Variants in ZMIZ2 observed in about 807,000 individuals in gnomAD.
The protein encoded by ZMIZ2 is zinc finger MIZ domain-containing protein 2.
Under a neutral mutation model 93.9 loss-of-function variants are expected in ZMIZ2, and 26 were observed. That is an observed-to-expected ratio of 0.28 (90% CI 0.20 to 0.38). ZMIZ2 has a LOEUF of 0.38. ZMIZ2 is among the 10% of genes least tolerant of loss of function. ZMIZ2 has a pLI of 1.00. For synonymous variants in ZMIZ2, 485 were observed against 516.4 expected (o/e 0.94, Z 0.82); for missense variants, 1,023 against 1,235.0 (o/e 0.83, Z 2.57).
chr7:44,750,604 G>A (rs1407788634), intron 1 of ZMIZ2, among the ~76,000 whole-genome samples: 1 of 152,196 alleles, frequency 6.6e-6, no homozygotes, highest in Non-Finnish European at 1.5e-5. Context: ...AGGCAGAGAG[G>A]TGGCATGGAA....
chr7:44,757,950 A>C lies in ZMIZ2; in HGVS notation c.655A>C (p.Met219Leu), dbSNP rs756543847. The C allele has an allele frequency of 1.9e-6, 3 of 1,612,046 alleles. No individual in the cohort carries two copies. In the African/African-American group the frequency reaches 4.0e-5, roughly 22 times the overall value. ...GAACCCTACTGGCATAGGAGGGGTA[A>C]TGGGCCCCTCTGGCCTCTCCCCCTT... ...GMNPTGIGGV[M>L]GPSGLSPLAM... Residue 219 changes from methionine to leucine, a missense_variant, in exon 6 of 19, where the codon ATG becomes CTG. Coordinates refer to ENST00000309315, the MANE Select transcript of ZMIZ2 (RefSeq NM_031449.4).
intron 11 of ZMIZ2, among the ~76,000 whole-genome samples, 179 bp downstream of exon 11, chr7:44,762,084 C>T (rs1361776680): frequency 6.6e-6 from 1 of 152,240 alleles, no homozygotes; most frequent in Non-Finnish European, 1.5e-5. Flanking sequence ...ATGCCGCCGT[C>T]TGCTGTTTTG....
chr7:44,760,273 G>A (rs1791043026), intron 8 of ZMIZ2, 45 bp downstream of exon 8: 2 of 1,591,370 alleles, frequency 1.3e-6, no homozygotes, highest in Admixed American at 1.7e-5. Context: ...CTCACAGGGT[G>A]GGCATATGGA....
At chr7:44,755,347 T>C (rs1400542428) in intron 1 of ZMIZ2, among the ~76,000 whole-genome samples, 4 of 152,124 alleles carry the variant, frequency 2.6e-5, no homozygotes, top group Non-Finnish European at 5.9e-5. Flanking sequence ...TGTGTGTCCC[T>C]GCCCTCTCCT....
Position 44,761,628 on chromosome 7 carries a change from A to G in ZMIZ2, c.1385+35A>G, listed in dbSNP as rs1300831961. ...GCCTGGCCCCCACCTGACCCCCACGAGGCTCTGTTCCTCCTCCCACACTCT... is the reference window on the plus strand; with the variant it reads ...GCCTGGCCCCCACCTGACCCCCACGGGGCTCTGTTCCTCCTCCCACACTCT... On this transcript the variant is annotated intron_variant, in intron 10 of 18. Coordinates refer to ENST00000309315, the MANE Select transcript of ZMIZ2 (RefSeq NM_031449.4). This position sits in a 1 kb window ranked among gnomAD's most constrained non-coding sequence, Gnocchi z 5.8. 4.3e-6 allele frequency: 7 copies of G among 1,613,118 alleles called. No homozygotes were observed. In the Admixed American group the frequency reaches 5.0e-5, roughly 12 times the overall value.
At chr7:44,759,158 T>A (rs1790911348) in intron 6 of ZMIZ2, 123 bp from the exon 7 acceptor site, 2 of 785,948 alleles carry the variant, frequency 2.5e-6, no homozygotes, top group African/African-American at 3.7e-5. Context: ...CACAGCAGGA[T>A]CTTCAAGGGA....
chr7:44,765,703 G>A lies in ZMIZ2; in HGVS notation c.2242+124G>A. On this transcript the variant is annotated intron_variant, in intron 16 of 18. Transcript: ENST00000309315. This position sits in a 1 kb window ranked among gnomAD's most constrained non-coding sequence, Gnocchi z 4.1. ...GTCACACACCTAGGTTATCAGTGTTGCCACACAAAACATGCCGCGGGGCAC... is the reference window on the plus strand; with the variant it reads ...GTCACACACCTAGGTTATCAGTGTTACCACACAAAACATGCCGCGGGGCAC... 1 of 1,413,488 alleles carries A rather than the reference G, an allele frequency of 7.1e-7. No homozygotes were observed. Among genetic ancestry groups the A allele is most frequent in the African/African-American group, 1.4e-5 (1 of 70,210 alleles). 87.6% of individuals were successfully genotyped at this position (1,413,488 alleles called of 1,614,324 possible). A position where few individuals can be genotyped will look rare whatever the true frequency, so the allele number is the denominator to read the frequency against.
At position 44,765,583 on chromosome 7, in the gene ZMIZ2, A is replaced by C. The variant is rs1389197700; in HGVS notation, c.2242+4A>C. 1 of 1,458,644 alleles carries C rather than the reference A, an allele frequency of 6.9e-7. No individual in the cohort carries two copies. Among genetic ancestry groups the C allele is most frequent in the Non-Finnish European group, 9.1e-7 (1 of 1,094,466 alleles). The allele number at this position is 1,458,644 out of a possible 1,614,324, so 90.4% of individuals were successfully genotyped here. A position where few individuals can be genotyped will look rare whatever the true frequency, so the allele number is the denominator to read the frequency against. Reference sequence around the variant, plus strand: ...CCCAGCGACTACCCTGGCCAGGGTAAGTACAGCAGGCTAGCCTTGAACCTC... The same window carrying C: ...CCCAGCGACTACCCTGGCCAGGGTACGTACAGCAGGCTAGCCTTGAACCTC... On this transcript the variant is annotated splice_donor_region_variant and intron_variant, in intron 16 of 18. Transcript: ENST00000309315. This position sits in a 1 kb window ranked among gnomAD's most constrained non-coding sequence, Gnocchi z 4.1.
At chr7:44,757,764 T>C in intron 5 of ZMIZ2, 84 bp from the exon 6 acceptor site, 1 of 722,556 alleles carries the variant, frequency 1.4e-6, no homozygotes, top group Non-Finnish European at 1.7e-6. Flanking sequence ...GGTGCCCACA[T>C]GGGTGGGTGG....
chr7:44,758,639 G>A (rs560832861), intron 6 of ZMIZ2, among the ~76,000 whole-genome samples: 22 of 151,564 alleles, frequency 1.5e-4, no homozygotes, highest in Admixed American at 2.6e-4. Flanking sequence ...TAGGCCGGGC[G>A]CGGTGGCTCA....
chr7:44,748,880 C>G lies in ZMIZ2; in HGVS notation c.-174C>G, dbSNP rs1789865176. The G allele has an allele frequency of 2.7e-5, 4 of 147,832 alleles. No homozygotes were observed. In the South Asian group the frequency reaches 7.1e-4, roughly 26 times the overall value. The allele number at this position is 147,832 out of a possible 1,614,324, so 9.2% of individuals were successfully genotyped here. A position where few individuals can be genotyped will look rare whatever the true frequency, so the allele number is the denominator to read the frequency against. On this transcript the variant is annotated 5_prime_UTR_variant, in exon 1 of 19. Transcript: ENST00000309315. ...CTCGGAGCGGGCGGCGGCGCGATGG[C>G]GCGGGTGGCGGCGGCCCCGGGGCGG...
intron 1 of ZMIZ2, 155 bp from the exon 2 acceptor site, chr7:44,756,033 A>T (rs960317919): frequency 1.6e-6 from 1 of 617,948 alleles, no homozygotes; most frequent in Non-Finnish European, 2.9e-6. Flanking sequence ...GGGGTGGGTC[A>T]GTACTAGGCC....
At chr7:44,759,084 T>TCAAAAAAAAA (rs1554321183) in intron 6 of ZMIZ2, among the ~76,000 whole-genome samples, 197 bp from the exon 7 acceptor site, 1 of 97,504 alleles carries the variant, frequency 1.0e-5, no homozygotes, top group African/African-American at 4.2e-5. Flanking sequence ...TGTCTCAAAT[T>TCAAAAAAAAA]AAAAAAAAAA....
At position 44,761,905 on chromosome 7, in the gene ZMIZ2, C is replaced by T. The variant is rs765095865; in HGVS notation, c.1596C>T (p.Cys532=). The change falls in exon 11 of 19, where the codon TGC becomes TGT. Residue 532 remains cysteine, a splice_region_variant and synonymous_variant. Coordinates refer to ENST00000309315, the MANE Select transcript of ZMIZ2 (RefSeq NM_031449.4). This position sits in a 1 kb window ranked among gnomAD's most constrained non-coding sequence, Gnocchi z 5.8. ...AGATCACCGTCACCGCCTGCTGCTG[C>T]GTGCGTGTCCTGCGCCGAGGGGGCG... ...TIQITVTACC[C]SHLFVLQLVH... 6 of 1,505,200 alleles carry T rather than the reference C, an allele frequency of 4.0e-6. No individual in the cohort carries two copies. The highest frequency in any genetic ancestry group is 1.8e-5 in the Admixed American group (1 of 56,638). 93.2% of individuals were successfully genotyped at this position (1,505,200 alleles called of 1,614,324 possible). A position where few individuals can be genotyped will look rare whatever the true frequency, so the allele number is the denominator to read the frequency against.
Position 44,761,985 on chromosome 7 carries a change from T to C in ZMIZ2, c.1596+80T>C. The stretch of plus-strand genomic sequence containing the variant: ...GGCCTGGCCCAGCGGTGCCGTGGGG[T>C]GGGGCGGGGTGTGGGCGGGGCCTGG... On this transcript the variant is annotated intron_variant, in intron 11 of 18. Coordinates refer to ENST00000309315, the MANE Select transcript of ZMIZ2 (RefSeq NM_031449.4). The surrounding 1 kb of genome is among the most constrained non-coding windows in gnomAD (Gnocchi z 5.8). The C allele has an allele frequency of 1.5e-5, 1 of 66,918 alleles. No individual in the cohort carries two copies. Among genetic ancestry groups the C allele is most frequent in the Admixed American group, 2.2e-4 (1 of 4,458 alleles). 4.1% of individuals were successfully genotyped at this position (66,918 alleles called of 1,614,324 possible). A position where few individuals can be genotyped will look rare whatever the true frequency, so the allele number is the denominator to read the frequency against.
Position 44,761,942 on chromosome 7 carries a change from TG to T in ZMIZ2, c.1596+41del. On this transcript the variant is annotated intron_variant, in intron 11 of 18. Transcript: ENST00000309315. This position sits in a 1 kb window ranked among gnomAD's most constrained non-coding sequence, Gnocchi z 5.8. The stretch of plus-strand genomic sequence containing the variant: ...GCGCCGAGGGGGCGGTGCTGTGGCG[TG>T]GGGCGGGGTGTGGTGGGGCCTGGCC... 1.7e-6 allele frequency: 2 copies of T among 1,164,822 alleles called. No individual in the cohort carries two copies. The highest frequency in any genetic ancestry group is 2.2e-6 in the Non-Finnish European group (2 of 923,080). The allele number at this position is 1,164,822 out of a possible 1,614,324, so 72.2% of individuals were successfully genotyped here. A position where few individuals can be genotyped will look rare whatever the true frequency, so the allele number is the denominator to read the frequency against.
rs891405435 is a variant in ZMIZ2 at position 44,767,901 on chromosome 7, C to T, written c.*278C>T. 12 of 510,440 alleles carry T rather than the reference C, an allele frequency of 2.4e-5. No homozygotes were observed. The highest frequency in any genetic ancestry group is 4.3e-5 in the Non-Finnish European group (12 of 280,004). The allele number at this position is 510,440 out of a possible 1,614,324, so 31.6% of individuals were successfully genotyped here. On this transcript the variant is annotated 3_prime_UTR_variant, in exon 19 of 19. Transcript: ENST00000309315. ...CTGAGGTGCCCCTGCCCAGCCCTGT[C>T]CAGCCTTGTCCACACACACATCTCA...
chr7:44,760,711 C>G, intron 9 of ZMIZ2, 118 bp downstream of exon 9: 1 of 1,306,826 alleles, frequency 7.7e-7, no homozygotes, highest in Non-Finnish European at 1.1e-6. Flanking sequence ...TGCCATATCC[C>G]TAAGAAAAGG....
At chr7:44,764,556 C>T in intron 14 of ZMIZ2, 70 bp downstream of exon 14, 1 of 1,518,374 alleles carries the variant, frequency 6.6e-7, no homozygotes, top group Non-Finnish European at 9.1e-7. Context: ...GGTGAAACCT[C>T]CAACAGCATC....
Sources: allele counts gnomAD v4.1 joint callset (sites outside exome capture counted in the v4.1 genomes callset), GRCh38; gene constraint gnomAD v4.1.1; non-coding constraint Gnocchi (gnomAD v3.1); transcripts MANE v1.5; gene names NCBI Gene and HGNC (gene_info 2026-07-23, HGNC 2026-07-21).